The following OSBPL5 variants were observed in gnomAD, a reference collection of about 807,000 sequenced individuals.
The protein encoded by OSBPL5 is oxysterol binding protein like 5.
Under a neutral mutation model 111.2 loss-of-function variants are expected in OSBPL5, and 71 were observed. That is an observed-to-expected ratio of 0.64 (90% confidence interval 0.53 to 0.78). OSBPL5 has a LOEUF of 0.78. Among genes scored for constraint, OSBPL5 ranks in the 30% least tolerant of loss-of-function variants. The probability of loss-of-function intolerance (pLI) is 0.00; values close to 1 mark genes in which losing one functional copy is unlikely to be tolerated. For synonymous variants in OSBPL5, 549 were observed against 513.9 expected, an observed-to-expected ratio of 1.07 and a Z score of -0.93; for missense variants, 1,210 against 1,189.3, an observed-to-expected ratio of 1.02 and a Z score of -0.26.
At chr11:3,094,731 G>T in intron 14 of OSBPL5, 1 of 180,730 alleles carries the variant, frequency 5.5e-6, no homozygotes. Flanking sequence ...ACTTGACTCT[G>T]CAGTTCCCGC....
chr11:3,090,805 G>T, intron 19 of OSBPL5, 109 bp from the exon 20 acceptor site: 1 of 1,382,906 alleles, frequency 7.2e-7, no homozygotes, highest in Non-Finnish European at 9.6e-7. Context: ...GTGGCAGCCA[G>T]CAGGGAGGGC....
Position 3,129,124 on chromosome 11 carries a change from G to A in OSBPL5, c.25C>T (p.Arg9Cys), listed in dbSNP as rs1436120489. 8.7e-6 allele frequency: 13 copies of A among 1,490,154 alleles called. No individual in the cohort carries two copies. Among genetic ancestry groups the A allele is most frequent in the Admixed American group, 2.4e-5 (1 of 42,496 alleles). The allele number at this position is 1,490,154 out of a possible 1,614,324, so 92.3% of individuals were successfully genotyped here. A position where few individuals can be genotyped will look rare whatever the true frequency, so the allele number is the denominator to read the frequency against. The change falls in exon 2 of 22, where the codon CGC becomes TGC. Residue 9 changes from arginine to cysteine, a missense_variant. Physicochemically the swap from Arg to Cys is radical, Grantham distance 180. Coordinates refer to ENST00000263650, the MANE Select transcript of OSBPL5 (RefSeq NM_020896.4). Reference protein sequence around the residue: MKEEAFLRRRFSLCPPSST... With the variant: MKEEAFLRCRFSLCPPSST... ...GAAGGTGGACACAGGGAGAAGCGGCGCCGGAGGAAGGCCTCCTCCTTCATG... is the reference window on the plus strand; with the variant it reads ...GAAGGTGGACACAGGGAGAAGCGGCACCGGAGGAAGGCCTCCTCCTTCATG...
At chr11:3,090,792 G>C in intron 19 of OSBPL5, 96 bp from the exon 20 acceptor site, 10 of 1,448,454 alleles carry the variant, frequency 6.9e-6, no homozygotes, top group Non-Finnish European at 7.3e-6. Context: ...GACAGTGCTA[G>C]AGGTGGCAGC....
Position 3,129,022 on chromosome 11 carries a change from G to C in OSBPL5, c.127C>G (p.Leu43Val). ...LLSGDNELYP[L>V]SPGKDMEPNG... ...CACGGCCGGCACTTACCTGGGCTGAGTGGGTAGAGCTCATTGTCTCCGCTG... is the reference window on the plus strand; with the variant it reads ...CACGGCCGGCACTTACCTGGGCTGACTGGGTAGAGCTCATTGTCTCCGCTG... Residue 43 changes from leucine (L) to valine (V), a missense_variant, in exon 2 of 22, where the codon CTC becomes GTC. Coordinates refer to ENST00000263650, the MANE Select transcript of OSBPL5 (RefSeq NM_020896.4). 2 of 1,579,840 alleles carry C rather than the reference G, an allele frequency of 1.3e-6. No individual in the cohort carries two copies. Among genetic ancestry groups the C allele is most frequent in the East Asian group, 2.4e-5 (1 of 41,676 alleles).
intron 1 of OSBPL5, among the ~76,000 whole-genome samples, chr11:3,159,067 G>A (rs1385849059): frequency 6.6e-6 from 1 of 152,200 alleles, no homozygotes; most frequent in Non-Finnish European, 1.5e-5. Context: ...TCAGAGGGGA[G>A]CCTGTCAGAT....
chr11:3,130,942 G>T lies in OSBPL5; in HGVS notation c.-21-1773C>A, dbSNP rs142761377. 4.8e-3 allele frequency among the ~76,000 whole-genome samples: 731 copies of T among 152,280 alleles called. No homozygotes were observed. The highest frequency in any genetic ancestry group is 8.0e-3 in the Non-Finnish European group (547 of 68,014). ...GAGATTTTCTGAGCACCCAGGCTGG[G>T]CTGGGCACCAGGCAGCCAAGGTAAG... On this transcript the variant is annotated intron_variant, in intron 1 of 21. Coordinates refer to ENST00000263650, the MANE Select transcript of OSBPL5 (RefSeq NM_020896.4). The surrounding 1 kb of genome is among the most constrained non-coding windows in gnomAD (Gnocchi z 4.5).
rs986152335 is a variant in OSBPL5, at chr11:3,092,036, C to T, written c.2259+396G>A. ...TACTCCCTGGAGCCTCCTGCTGTCC[C>T]GCTTCCCCTTTCCAGACACAAGATC... is the stretch of plus-strand genomic sequence containing the variant. On this transcript the variant is annotated intron_variant, in intron 19 of 21. Coordinates refer to ENST00000263650, the MANE Select transcript of OSBPL5 (RefSeq NM_020896.4). This position sits in a 1 kb window ranked among gnomAD's most constrained non-coding sequence, Gnocchi z 5.4. 2.6e-5 allele frequency among the ~76,000 whole-genome samples: 4 copies of T among 152,156 alleles called. No homozygotes were observed. The highest frequency in any genetic ancestry group is 1.9e-4 in the East Asian group (1 of 5,182).
chr11:3,141,784 C>A lies in OSBPL5; in HGVS notation c.-21-12615G>T, dbSNP rs1178486086. 2.9e-5 allele frequency among the ~76,000 whole-genome samples: 4 copies of A among 139,226 alleles called. No homozygotes were observed. Among genetic ancestry groups the A allele is most frequent in the Non-Finnish European group, 6.3e-5 (4 of 63,512 alleles). The allele number at this position is 139,226 out of a possible 152,430, so 91.3% of individuals were successfully genotyped here. ...AATGGGGTGACAGTAGGAACACCCA[C>A]CCCCCACCCGCCTCCCACCCAGTGC... On this transcript the variant is annotated intron_variant, in intron 1 of 21. Transcript: ENST00000263650. This position sits in a 1 kb window ranked among gnomAD's most constrained non-coding sequence, Gnocchi z 6.5.
In OSBPL5 at chr11:3,129,043, C is replaced by T. The variant is rs1467595321; in HGVS notation, c.106G>A (p.Gly36Arg). The T allele has an allele frequency of 7.6e-6, 12 of 1,587,352 alleles. No individual in the cohort carries two copies. Among genetic ancestry groups the T allele is most frequent in the African/African-American group, 4.1e-5 (3 of 73,228 alleles). Residue 36 changes from glycine to arginine, a missense_variant, in exon 2 of 22, where the codon GGA becomes AGA. Coordinates refer to ENST00000263650, the MANE Select transcript of OSBPL5 (RefSeq NM_020896.4). Reference sequence around the variant, plus strand: ...CTGAGTGGGTAGAGCTCATTGTCTCCGCTGAGGAGCAAGTTCCGGGTGAGC... The same window carrying T: ...CTGAGTGGGTAGAGCTCATTGTCTCTGCTGAGGAGCAAGTTCCGGGTGAGC... ...RKLTRNLLLS[G>R]DNELYPLSPG...
At chr11:3,123,044 G>C (rs1461953210) in intron 3 of OSBPL5, among the ~76,000 whole-genome samples, 1 of 152,230 alleles carries the variant, frequency 6.6e-6, no homozygotes, top group African/African-American at 2.4e-5. Flanking sequence ...CTGGTGGGGG[G>C]TGTGCAGTGG....
intron 17 of OSBPL5, 184 bp downstream of exon 17, chr11:3,093,343 C>T: frequency 2.0e-6 from 2 of 1,017,136 alleles, no homozygotes; most frequent in South Asian, 3.3e-5. Context: ...CTCTCCAGGC[C>T]ACACCCCTTC....
chr11:3,159,722 A>G (rs994789575), intron 1 of OSBPL5, among the ~76,000 whole-genome samples: 1 of 152,054 alleles, frequency 6.6e-6, no homozygotes, highest in African/African-American at 2.4e-5. Context: ...GCCCAGGACT[A>G]TCTGAGTCAG....
chr11:3,149,680 C>A (rs959924187), intron 1 of OSBPL5, among the ~76,000 whole-genome samples: 3 of 152,226 alleles, frequency 2.0e-5, no homozygotes, highest in Admixed American at 2.0e-4. Context: ...TGGTTTCCAG[C>A]ACACAGCGGT....
At chr11:3,100,390 G>T in intron 13 of OSBPL5, 134 bp from the exon 14 acceptor site, 1 of 717,244 alleles carries the variant, frequency 1.4e-6, no homozygotes, top group Non-Finnish European at 2.4e-6. Flanking sequence ...GTGTGTCTGT[G>T]CGTGAGTCAC....
chr11:3,097,792 C>T (rs531671420), intron 14 of OSBPL5, among the ~76,000 whole-genome samples: 5 of 152,308 alleles, frequency 3.3e-5, no homozygotes, highest in South Asian at 2.1e-4. Flanking sequence ...CAAGGCCGAG[C>T]GCACTGGCTC....
chr11:3,150,653 C>T (rs895205800), intron 1 of OSBPL5, among the ~76,000 whole-genome samples: 2 of 152,196 alleles, frequency 1.3e-5, no homozygotes, highest in Non-Finnish European at 2.9e-5. Flanking sequence ...CTCTTCCCTT[C>T]CCCGGGGTCT....
At position 3,104,791 on chromosome 11, in the gene OSBPL5, T is replaced by C. The variant is rs1040631070; in HGVS notation, c.1060-414A>G. Among the ~76,000 whole-genome samples the C allele has an allele frequency of 2.0e-5, 3 of 152,186 alleles. No individual in the cohort carries two copies. The highest frequency in any genetic ancestry group is 7.2e-5 in the African/African-American group (3 of 41,442). On this transcript the variant is annotated intron_variant, in intron 9 of 21. Transcript: ENST00000263650. This position sits in a 1 kb window ranked among gnomAD's most constrained non-coding sequence, Gnocchi z 5.0. ...CAGGGGAGGCAGGGATTTGGCCTGC[T>C]CTTCCATTTTTTAAAAAAGGTTATT...
Position 3,119,630 on chromosome 11 carries a change from C to T in OSBPL5, c.608G>A (p.Gly203Asp). The T allele has an allele frequency of 6.3e-7, 1 of 1,578,962 alleles. No individual in the cohort carries two copies. The highest frequency in any genetic ancestry group is 8.6e-7 in the Non-Finnish European group (1 of 1,166,148). The change falls in exon 7 of 22, where the codon GGC becomes GAC. Residue 203 changes from glycine (G) to aspartate (D), a missense_variant and splice_region_variant. Gly to Asp is a moderately conservative substitution (Grantham distance 94, BLOSUM62 -1). Coordinates refer to ENST00000263650, the MANE Select transcript of OSBPL5 (RefSeq NM_020896.4). The stretch of plus-strand genomic sequence containing the variant: ...GGAGCCCACGCTCTCACCTTTGGGG[C>T]CCTGGAGAGAGAGAGATCTGGGTGT... ...PLDQSVWAVK[G>D]PKGESVGSIT...
At chr11:3,123,334 C>T (rs762081179) in intron 3 of OSBPL5, among the ~76,000 whole-genome samples, 11 of 152,224 alleles carry the variant, frequency 7.2e-5, no homozygotes, top group Non-Finnish European at 1.3e-4. Context: ...CTAAGAACAG[C>T]TTCCACAGTT....
Sources: allele counts gnomAD v4.1 joint callset (sites outside exome capture counted in the v4.1 genomes callset), GRCh38; gene constraint gnomAD v4.1.1; non-coding constraint Gnocchi (gnomAD v3.1); transcripts MANE v1.5; gene names NCBI Gene and HGNC (gene_info 2026-07-23, HGNC 2026-07-21).